The following RGS9 variants were observed in gnomAD, a reference collection of about 807,000 sequenced individuals.
RGS9 encodes the protein regulator of G protein signaling 9.
Under a neutral mutation model 102.0 loss-of-function variants are expected in RGS9, and 78 were observed. That is an observed-to-expected ratio of 0.76 (90% CI 0.64 to 0.92). The LOEUF is 0.92. Among genes scored for constraint, RGS9 ranks in the 40% least tolerant of loss-of-function variants. The pLI, the probability that RGS9 is intolerant of heterozygous loss-of-function variation, is 0.00. For synonymous variants in RGS9, 353 were observed against 318.6 expected (o/e 1.11, Z -1.15); for missense variants, 833 against 866.1 (o/e 0.96, Z 0.48).
chr17:65,226,200 T>C (rs1358571105), intron 18 of RGS9, among the ~76,000 whole-genome samples: 2 of 152,154 alleles, frequency 1.3e-5, no homozygotes, highest in Non-Finnish European at 2.9e-5. Context: ...AAAGAAAACT[T>C]GTGAGCGATG....
At chr17:65,169,917 C>T (rs1233294600) in intron 8 of RGS9, among the ~76,000 whole-genome samples, 1 of 152,040 alleles carries the variant, frequency 6.6e-6, no homozygotes, top group Non-Finnish European at 1.5e-5. Flanking sequence ...TCTCTTATTT[C>T]CCCCACTTTC....
chr17:65,215,497 G>GTTCGTTCTTTCT (rs1555617651), intron 17 of RGS9, among the ~76,000 whole-genome samples: 257 of 133,638 alleles, frequency 1.9e-3, no homozygotes, highest in Non-Finnish European at 3.3e-3. Context: ...TCGTTCTTTC[G>GTTCGTTCTTTCT]TTCTTTCTTT....
chr17:65,215,475 TCTATC>T lies in RGS9; in HGVS notation c.1407+4871_1407+4875del, dbSNP rs1567893143. Among the ~76,000 whole-genome samples, 423 of 127,272 alleles carry T rather than the reference TCTATC, an allele frequency of 3.3e-3. 3 individuals carry two copies. Among genetic ancestry groups the T allele is most frequent in the African/African-American group, 0.014 (405 of 29,214 alleles). 83.5% of individuals were successfully genotyped at this position (127,272 alleles called of 152,430 possible). A position where few individuals can be genotyped will look rare whatever the true frequency, so the allele number is the denominator to read the frequency against. On this transcript the variant is annotated intron_variant, in intron 17 of 18. Coordinates refer to ENST00000262406, the MANE Select transcript of RGS9 (RefSeq NM_003835.4). The stretch of plus-strand genomic sequence containing the variant: ...GAGTTTCTCTTTCTTTCTTTCTTTC[TCTATC>T]TTTCTTTCGTTCTTTCGTTCTTTCT...
chr17:65,227,235 C>T (rs1221126029), intron 18 of RGS9, 40 bp from the exon 19 acceptor site: 4 of 1,613,528 alleles, frequency 2.5e-6, no homozygotes, highest in East Asian at 2.2e-5. Context: ...TCCCTCCTGC[C>T]CCTGCCCCTA....
chr17:65,203,904 C>T (rs1912947166), intron 14 of RGS9, among the ~76,000 whole-genome samples: 1 of 152,146 alleles, frequency 6.6e-6, no homozygotes, highest in South Asian at 2.1e-4. Context: ...GGGCCCCAGC[C>T]CCTTCTTGCT....
chr17:65,208,484 T>C (rs771540096), intron 16 of RGS9, among the ~76,000 whole-genome samples: 14 of 152,122 alleles, frequency 9.2e-5, no homozygotes, highest in Admixed American at 2.0e-4. Flanking sequence ...CCGGGGACCA[T>C]GTTTTAGAAG....
intron 18 of RGS9, 53 bp downstream of exon 18, chr17:65,225,539 G>C (rs1905625559): frequency 1.3e-6 from 2 of 1,598,520 alleles, no homozygotes; most frequent in South Asian, 1.1e-5. Context: ...GGGTGTGCAG[G>C]CCTCTGCATG....
chr17:65,225,118 C>T lies in RGS9; in HGVS notation c.1524C>T (p.Ala508=), dbSNP rs775796171. 72 of 1,613,936 alleles carry T rather than the reference C, an allele frequency of 4.5e-5. No homozygotes were observed. The highest frequency in any genetic ancestry group is 6.1e-5 in the Non-Finnish European group (72 of 1,180,040). The change falls in exon 18 of 19, where the codon GCC becomes GCT. Residue 508 remains alanine, a synonymous_variant. Coordinates refer to ENST00000262406, the MANE Select transcript of RGS9 (RefSeq NM_003835.4). ...GCCGCTCCCCCAGGAAGCCTTTCGC[C>T]TCACCCAGCCGCTTCATCCGGCGAC... The part of the protein sequence containing the change: ...SSCRSPRKPF[A]SPSRFIRRPS...
chr17:65,148,703 T>A (rs539535605), intron 1 of RGS9, among the ~76,000 whole-genome samples: 1 of 152,288 alleles, frequency 6.6e-6, no homozygotes, highest in Non-Finnish European at 1.5e-5. Flanking sequence ...CTGCAGTTGC[T>A]ATTTTTTTTG....
intron 17 of RGS9, among the ~76,000 whole-genome samples, chr17:65,223,447 C>A (rs957697674): frequency 3.3e-5 from 5 of 152,238 alleles, no homozygotes; most frequent in African/African-American, 1.2e-4. Flanking sequence ...CCCTCAGTGG[C>A]CCCTGGCCTT....
chr17:65,195,596 A>G (rs1171248688), intron 12 of RGS9, among the ~76,000 whole-genome samples: 2 of 152,134 alleles, frequency 1.3e-5, no homozygotes. Flanking sequence ...GAGTCCCCGA[A>G]GTGCATCGTG....
intron 1 of RGS9, among the ~76,000 whole-genome samples, chr17:65,145,808 G>C (rs1454269546): frequency 1.3e-5 from 2 of 152,158 alleles, no homozygotes; most frequent in African/African-American, 4.8e-5. Context: ...CATAGAGCTA[G>C]AGTTCTGTGG....
At chr17:65,142,574 C>CTTTTTTT (rs745663576) in intron 1 of RGS9, among the ~76,000 whole-genome samples, 56 of 137,744 alleles carry the variant, frequency 4.1e-4, no homozygotes, top group African/African-American at 1.0e-3. Flanking sequence ...CCCTTCCTTT[C>CTTTTTTT]TTTTTTTTTT....
intron 13 of RGS9, among the ~76,000 whole-genome samples, chr17:65,197,672 CTTTT>C (rs994682411): frequency 6.8e-6 from 1 of 147,278 alleles, no homozygotes; most frequent in East Asian, 2.0e-4. Flanking sequence ...TTGTTTCTTT[CTTTT>C]TTTTTTTTCT....
chr17:65,168,406 G>A, intron 8 of RGS9, 125 bp downstream of exon 8: 1 of 728,394 alleles, frequency 1.4e-6, no homozygotes. Flanking sequence ...AGGAGGAGCT[G>A]CTCAGTGTTG....
chr17:65,177,389 A>G (rs1255000210), intron 8 of RGS9, among the ~76,000 whole-genome samples: 1 of 150,832 alleles, frequency 6.6e-6, no homozygotes, highest in African/African-American at 2.4e-5. Flanking sequence ...CCATTTACCT[A>G]TTCATCCATC....
At chr17:65,151,384 A>C (rs1460874972) in intron 1 of RGS9, among the ~76,000 whole-genome samples, 1 of 150,392 alleles carries the variant, frequency 6.6e-6, no homozygotes, top group Non-Finnish European at 1.5e-5. Flanking sequence ...TATTATTTCC[A>C]TTTGATTTTT....
intron 15 of RGS9, among the ~76,000 whole-genome samples, chr17:65,205,181 A>T (rs988203950): frequency 6.6e-6 from 1 of 152,228 alleles, no homozygotes; most frequent in Non-Finnish European, 1.5e-5. Context: ...TCGGAGGCTC[A>T]GAGTTAGCCT....
intron 8 of RGS9, among the ~76,000 whole-genome samples, chr17:65,172,610 G>A (rs1911462711): frequency 2.0e-5 from 3 of 152,184 alleles, no homozygotes; most frequent in Admixed American, 1.3e-4. Context: ...TATGCCGGGT[G>A]CTTACTAGGC....
Sources: gnomAD v4.1 joint callset for allele counts (sites outside exome capture counted in the v4.1 genomes callset) on GRCh38, gnomAD v4.1.1 for gene constraint, MANE v1.5 for transcripts, NCBI Gene and HGNC (gene_info 2026-07-23, HGNC 2026-07-21) for gene names.